PKD1L1: variants seen among roughly 807,000 people sequenced by gnomAD.
PKD1L1 encodes polycystin 1 like 1, transient receptor potential channel interacting.
A neutral mutation model predicts 323.4 loss-of-function variants in PKD1L1; 236 were observed. The observed-to-expected ratio is 0.73, with a 90% CI of 0.66 to 0.81. The LOEUF (loss-of-function observed/expected upper bound fraction) is 0.81, where lower values mean the gene tolerates loss of function less well. PKD1L1 is among the 40% of genes least tolerant of loss of function. The pLI is 0.00. For missense variants in PKD1L1, 3,320 were observed against 3,508.0 expected (o/e 0.95, Z 1.35); for synonymous variants, 1,344 against 1,335.0 (o/e 1.01, Z -0.15).
chr7:47,810,398 G>A (rs114743278), intron 50 of PKD1L1, among the ~76,000 whole-genome samples: 1 of 152,318 alleles, frequency 6.6e-6, no homozygotes, highest in African/African-American at 2.4e-5. Context: ...GAATTCTGAT[G>A]TTTATAAATA....
chr7:47,827,570 G>A, intron 44 of PKD1L1, 102 bp from the exon 45 acceptor site: 1 of 944,794 alleles, frequency 1.1e-6, no homozygotes, highest in Non-Finnish European at 1.5e-6. Context: ...GCTGTGCTGT[G>A]CCTTCAGCCT....
At chr7:47,914,064 G>A (rs1051855440) in intron 8 of PKD1L1, among the ~76,000 whole-genome samples, 1 of 152,058 alleles carries the variant, frequency 6.6e-6, no homozygotes, top group Non-Finnish European at 1.5e-5. Context: ...GAGGAAGATG[G>A]GAAATATTCT....
At chr7:47,828,749 C>A (rs998532538) in intron 44 of PKD1L1, among the ~76,000 whole-genome samples, 1 of 152,316 alleles carries the variant, frequency 6.6e-6, no homozygotes, top group South Asian at 2.1e-4. Context: ...CAGACAGGTC[C>A]TCAGACATGG....
At chr7:47,882,127 G>C in intron 19 of PKD1L1, 42 bp from the exon 20 acceptor site, 2 of 1,593,016 alleles carry the variant, frequency 1.3e-6, no homozygotes, top group Non-Finnish European at 1.7e-6. Flanking sequence ...AAGAAAAAAA[G>C]TCATGATGAT....
At chr7:47,886,239 C>T (rs750308318) in intron 17 of PKD1L1, among the ~76,000 whole-genome samples, 185 bp from the exon 18 acceptor site, 16 of 152,082 alleles carry the variant, frequency 1.1e-4, no homozygotes, top group Non-Finnish European at 2.4e-4. Flanking sequence ...GCATGTTGGC[C>T]AACAGCAAGA....
At chr7:47,928,638 G>A (rs897830461) in intron 7 of PKD1L1, among the ~76,000 whole-genome samples, 1 of 152,140 alleles carries the variant, frequency 6.6e-6, no homozygotes, top group Admixed American at 6.5e-5. Flanking sequence ...AAGTGGAAAA[G>A]TATCAGAACT....
At position 47,833,304 on chromosome 7, in the gene PKD1L1, C is replaced by T. The variant is rs749676626; in HGVS notation, c.6175-52G>A. ...TAATATCTCCACAGACAGGGCTTCA[C>T]ACGTGACGCTCAACAGTGGTGTGGC... On this transcript the variant is annotated intron_variant, in intron 40 of 56. Coordinates refer to ENST00000289672, the MANE Select transcript of PKD1L1 (RefSeq NM_138295.5). 18 of 1,571,684 alleles carry T rather than the reference C, an allele frequency of 1.1e-5. 1 individual carries two copies. The South Asian group carries it at 2.0e-4, about 17-fold the overall frequency.
chr7:47,842,008 T>G (rs1785572375), intron 34 of PKD1L1, among the ~76,000 whole-genome samples: 1 of 152,216 alleles, frequency 6.6e-6, no homozygotes, highest in Non-Finnish European at 1.5e-5. Context: ...AAACTTATAT[T>G]CCTGTTTTAT....
Position 47,775,127 on chromosome 7 carries a change from C to T in PKD1L1, c.*16G>A. 1 of 1,613,588 alleles carries T rather than the reference C, an allele frequency of 6.2e-7. No homozygotes were observed. Among genetic ancestry groups the T allele is most frequent in the Non-Finnish European group, 8.5e-7 (1 of 1,179,780 alleles). Reference sequence around the variant, plus strand: ...CAAAACAGGGTCCATAGTGCCTATGCAAGGTACCAGGCTCCTCAGAAGTCC... The same window carrying T: ...CAAAACAGGGTCCATAGTGCCTATGTAAGGTACCAGGCTCCTCAGAAGTCC... On this transcript the variant is annotated 3_prime_UTR_variant, in exon 57 of 57. Transcript: ENST00000289672.
intron 6 of PKD1L1, 90 bp from the exon 7 acceptor site, chr7:47,929,616 C>A (rs1194716003): frequency 1.9e-5 from 24 of 1,251,584 alleles, no homozygotes; most frequent in Non-Finnish European, 2.4e-5. Flanking sequence ...CTGGGTCCAG[C>A]CAGCTAGAAG....
chr7:47,799,813 T>C (rs959739510), intron 54 of PKD1L1, among the ~76,000 whole-genome samples: 10 of 152,158 alleles, frequency 6.6e-5, no homozygotes, highest in African/African-American at 2.4e-4. Flanking sequence ...TAGGAACACC[T>C]GTAGGGCCTT....
intron 24 of PKD1L1, 70 bp downstream of exon 24, chr7:47,873,829 T>TG: frequency 8.2e-7 from 1 of 1,214,394 alleles, no homozygotes; most frequent in Non-Finnish European, 1.2e-6. Context: ...GTTAACAACT[T>TG]GGGGGAGAGC....
At chr7:47,887,464 C>T (rs1786710257) in intron 17 of PKD1L1, among the ~76,000 whole-genome samples, 1 of 152,236 alleles carries the variant, frequency 6.6e-6, no homozygotes, top group Non-Finnish European at 1.5e-5. Context: ...CACGCTGCAA[C>T]ACATTTTACT....
intron 22 of PKD1L1, among the ~76,000 whole-genome samples, chr7:47,877,251 C>G (rs1255994323): frequency 2.0e-5 from 3 of 152,140 alleles, no homozygotes; most frequent in Non-Finnish European, 4.4e-5. Context: ...TGAGCAGGCC[C>G]TTGTCTCTTT....
chr7:47,868,157 C>A (rs1786206182), intron 24 of PKD1L1, among the ~76,000 whole-genome samples: 1 of 152,040 alleles, frequency 6.6e-6, no homozygotes, highest in South Asian at 2.1e-4. Context: ...CACCTGAGGT[C>A]AAGAATTCAA....
At chr7:47,880,236 A>G (rs905824572) in intron 21 of PKD1L1, among the ~76,000 whole-genome samples, 2 of 138,426 alleles carry the variant, frequency 1.4e-5, no homozygotes, top group Non-Finnish European at 3.1e-5. Context: ...GCAGTTGTCT[A>G]GCATAAATAA....
intron 19 of PKD1L1, among the ~76,000 whole-genome samples, chr7:47,883,171 G>A (rs1336569968): frequency 6.6e-6 from 1 of 152,198 alleles, no homozygotes; most frequent in East Asian, 1.9e-4. Flanking sequence ...ACTTTTAAAT[G>A]TTCTGTATGA....
intron 21 of PKD1L1, among the ~76,000 whole-genome samples, chr7:47,878,273 G>A (rs1039651347): frequency 1.5e-4 from 23 of 152,010 alleles, no homozygotes; most frequent in Non-Finnish European, 2.4e-4. Context: ...ACCCTAATAC[G>A]CACAATTATT....
At chr7:47,943,062 C>T (rs900326892) in intron 2 of PKD1L1, among the ~76,000 whole-genome samples, 206 of 149,256 alleles carry the variant, frequency 1.4e-3, no homozygotes, top group African/African-American at 4.8e-3. Context: ...AGGAGAATGG[C>T]GTGAACCCAG....
Sources: gnomAD v4.1 joint callset for allele counts (sites outside exome capture counted in the v4.1 genomes callset) on GRCh38, gnomAD v4.1.1 for gene constraint, MANE v1.5 for transcripts, NCBI Gene and HGNC (gene_info 2026-07-23, HGNC 2026-07-21) for gene names.